Variants in FRMD4A observed in about 807,000 individuals in gnomAD.
The protein encoded by FRMD4A is FERM domain containing 4A.
In FRMD4A, 29 loss-of-function variants were observed where a neutral mutation model predicts 129.1. The ratio of observed to expected loss-of-function variants is 0.22; its 90% CI spans 0.17 to 0.31. The LOEUF (loss-of-function observed/expected upper bound fraction) is 0.31, where lower values mean the gene tolerates loss of function less well. Among genes scored for constraint, FRMD4A ranks in the 10% least tolerant of loss-of-function variants. The probability of loss-of-function intolerance (pLI) is 1.00; values close to 1 mark genes in which losing one functional copy is unlikely to be tolerated. For synonymous variants in FRMD4A, 634 were observed against 571.6 expected (o/e 1.11, Z -1.56); for missense variants, 1,272 against 1,375.8 (o/e 0.92, Z 1.19).
Position 14,033,676 on chromosome 10 carries a change from G to A in FRMD4A, c.46-174764C>T, listed in dbSNP as rs1185297559. On this transcript the variant is annotated intron_variant, in intron 2 of 24. Transcript: ENST00000357447. ...GGCATGTGCCTGTAATCCCAGTTAC[G>A]TGGGAGGCTGAGGCAGGAGAATCTC... Among the ~76,000 whole-genome samples the A allele has an allele frequency of 4.0e-5, 6 of 151,632 alleles. No homozygotes were observed. The East Asian group carries it at 5.9e-4, about 15-fold the overall frequency.
At chr10:14,080,789 C>G (rs1457249219) in intron 2 of FRMD4A, among the ~76,000 whole-genome samples, 1 of 151,858 alleles carries the variant, frequency 6.6e-6, no homozygotes, top group African/African-American at 2.4e-5. Flanking sequence ...CATCTCTATA[C>G]CTCATGGTGC....
intron 21 of FRMD4A, among the ~76,000 whole-genome samples, chr10:13,657,787 GGTTT>G (rs2082297007): frequency 1.8e-5 from 2 of 110,960 alleles, no homozygotes; most frequent in African/African-American, 7.4e-5. Flanking sequence ...TCGATTTCTG[GGTTT>G]TTTTTTTTTT....
intron 5 of FRMD4A, among the ~76,000 whole-genome samples, chr10:13,787,591 G>C (rs1312387654): frequency 1.3e-5 from 2 of 152,070 alleles, no homozygotes; most frequent in African/African-American, 2.4e-5. Context: ...CTCCCAGATA[G>C]CTGGGACTAC....
At position 14,120,649 on chromosome 10, in the gene FRMD4A, C is replaced by A. The variant is rs1254331137; in HGVS notation, c.45+209409G>T. ...TTCTTCCTGAGCATGCATTTTCCAC[C>A]TTTCCTTGCAGTTAGTGGAGGGTGA... On this transcript the variant is annotated intron_variant, in intron 2 of 24. Transcript: ENST00000357447. Among the ~76,000 whole-genome samples, 4 of 152,176 alleles carry A rather than the reference C, an allele frequency of 2.6e-5. No homozygotes were observed. In the South Asian group the frequency reaches 6.2e-4, roughly 24 times the overall value.
chr10:14,036,247 C>G (rs1833497843), intron 2 of FRMD4A, among the ~76,000 whole-genome samples: 1 of 152,076 alleles, frequency 6.6e-6, no homozygotes, highest in Admixed American at 6.6e-5. Context: ...CCAAATGGTA[C>G]AGTAAGTGAA....
chr10:13,658,664 TGAG>T (rs1444286594), intron 21 of FRMD4A, among the ~76,000 whole-genome samples: 1 of 152,174 alleles, frequency 6.6e-6, no homozygotes, highest in Admixed American at 6.5e-5. Context: ...GTGGATCACC[TGAG>T]GTCAGGAGTT....
intron 2 of FRMD4A, among the ~76,000 whole-genome samples, chr10:14,143,207 T>A (rs1839921546): frequency 6.6e-6 from 1 of 152,184 alleles, no homozygotes; most frequent in Admixed American, 6.5e-5. Context: ...TTATTTGCAA[T>A]AAACAAGAAT....
chr10:13,719,301 A>G (rs2089182610), intron 12 of FRMD4A, among the ~76,000 whole-genome samples: 1 of 152,190 alleles, frequency 6.6e-6, no homozygotes, highest in South Asian at 2.1e-4. Flanking sequence ...CTCTGTTAGA[A>G]CTGAACTCTA....
At chr10:14,072,250 G>A (rs936005525) in intron 2 of FRMD4A, among the ~76,000 whole-genome samples, 4 of 152,062 alleles carry the variant, frequency 2.6e-5, no homozygotes, top group South Asian at 2.1e-4. Context: ...GGAGATGCTC[G>A]GCTGAGTTCA....
chr10:14,025,436 T>C (rs2447036), intron 2 of FRMD4A, among the ~76,000 whole-genome samples: 78,251 of 151,974 alleles, frequency 0.51, 20,272 homozygotes, highest in Middle Eastern at 0.53. Flanking sequence ...CACATTGTAC[T>C]GGAATAAACA....
intron 2 of FRMD4A, among the ~76,000 whole-genome samples, chr10:13,924,190 G>C (rs141091896): frequency 6.6e-6 from 1 of 152,314 alleles, no homozygotes; most frequent in Non-Finnish European, 1.5e-5. Flanking sequence ...GACTCAGGCT[G>C]TGGAACATGG....
At chr10:13,890,560 T>A in intron 2 of FRMD4A, 8 of 983,388 alleles carry the variant, frequency 8.1e-6, no homozygotes, top group Non-Finnish European at 9.7e-6. Context: ...GAACAGGCTG[T>A]CACCACTGAC....
intron 2 of FRMD4A, among the ~76,000 whole-genome samples, chr10:14,186,212 G>C (rs1050181125): frequency 2.6e-5 from 4 of 151,774 alleles, no homozygotes; most frequent in African/African-American, 9.7e-5. Flanking sequence ...AACAAAACAG[G>C]CTACAATTGG....
At chr10:14,175,394 T>TG (rs1162710386) in intron 2 of FRMD4A, among the ~76,000 whole-genome samples, 6 of 152,298 alleles carry the variant, frequency 3.9e-5, no homozygotes, top group Non-Finnish European at 5.9e-5. Context: ...CCTTCATTGA[T>TG]GCTTTTCACC....
chr10:13,735,125 G>A (rs565732711), intron 12 of FRMD4A, among the ~76,000 whole-genome samples: 1 of 152,186 alleles, frequency 6.6e-6, no homozygotes, highest in East Asian at 1.9e-4. Context: ...CACCCGCCTC[G>A]GCCTCCCAAA....
chr10:13,694,843 T>TA lies in FRMD4A; in HGVS notation c.976-805dup, dbSNP rs5783342. Among the ~76,000 whole-genome samples the TA allele has an allele frequency of 3.2e-3, 476 of 149,982 alleles. 2 individuals are homozygous for TA. The highest frequency in any genetic ancestry group is 8.0e-3 in the African/African-American group (324 of 40,628). Reference sequence around the variant, plus strand: ...GGCAACAAAGTGAGACCCTGTCTCTTAAAAAAAAAAAAGAGAGAAATGACA... The same window carrying TA: ...GGCAACAAAGTGAGACCCTGTCTCTTAAAAAAAAAAAAAGAGAGAAATGACA... On this transcript the variant is annotated intron_variant, in intron 14 of 24. Transcript: ENST00000357447.
intron 2 of FRMD4A, among the ~76,000 whole-genome samples, chr10:14,185,684 A>T (rs772078316): frequency 6.6e-6 from 1 of 152,292 alleles, no homozygotes; most frequent in Non-Finnish European, 1.5e-5. Flanking sequence ...AGAAGAGAGG[A>T]TAGCAGCAGC....
At chr10:14,136,241 A>C (rs1393302750) in intron 2 of FRMD4A, among the ~76,000 whole-genome samples, 1 of 152,206 alleles carries the variant, frequency 6.6e-6, no homozygotes, top group East Asian at 1.9e-4. Flanking sequence ...TGTGAACTGC[A>C]TCAGACAAAC....
chr10:14,070,180 C>T (rs1274730588), intron 2 of FRMD4A, among the ~76,000 whole-genome samples: 2 of 152,116 alleles, frequency 1.3e-5, no homozygotes, highest in East Asian at 1.9e-4. Context: ...TATGACATGC[C>T]CATCCCTTGG....
Sources: gnomAD v4.1 joint callset for allele counts (sites outside exome capture counted in the v4.1 genomes callset) on GRCh38, gnomAD v4.1.1 for gene constraint, MANE v1.5 for transcripts, NCBI Gene and HGNC (gene_info 2026-07-23, HGNC 2026-07-21) for gene names.